The following CDH13 variants were observed in gnomAD, a reference collection of about 807,000 sequenced individuals.
The protein encoded by CDH13 is cadherin-13.
Under a neutral mutation model 63.8 loss-of-function variants are expected in CDH13, and 24 were observed. The ratio of observed to expected loss-of-function variants is 0.38; its 90% CI spans 0.27 to 0.53. The LOEUF is 0.53. CDH13 is among the 20% of genes least tolerant of loss of function. The pLI, the probability that CDH13 is intolerant of heterozygous loss-of-function variation, is 0.85. For missense variants in CDH13, 1,049 were observed against 903.1 expected (o/e 1.16, Z -2.07); for synonymous variants, 503 against 355.3 (o/e 1.42, Z -4.67).
At chr16:83,072,804 C>A (rs991237039) in intron 3 of CDH13, among the ~76,000 whole-genome samples, 1 of 152,168 alleles carries the variant, frequency 6.6e-6, no homozygotes, top group African/African-American at 2.4e-5. Context: ...GACCTTACCC[C>A]AGATCTACTG....
At chr16:82,994,448 G>A (rs909778400) in intron 2 of CDH13, among the ~76,000 whole-genome samples, 1 of 152,096 alleles carries the variant, frequency 6.6e-6, no homozygotes, top group South Asian at 2.1e-4. Context: ...CTTGGCCTAG[G>A]GCTTCTATCA....
At chr16:83,200,055 G>A (rs979980371) in intron 4 of CDH13, among the ~76,000 whole-genome samples, 3 of 152,282 alleles carry the variant, frequency 2.0e-5, no homozygotes, top group Admixed American at 1.3e-4. Context: ...GAGATCCCTG[G>A]ACAGCGCCTC....
intron 2 of CDH13, among the ~76,000 whole-genome samples, chr16:82,872,785 A>G (rs2040388338): frequency 1.3e-5 from 2 of 152,208 alleles, no homozygotes; most frequent in Admixed American, 1.3e-4. Flanking sequence ...AAAGGAAAAG[A>G]TGTATATTGA....
intron 1 of CDH13, among the ~76,000 whole-genome samples, chr16:82,773,677 T>C (rs1030249239): frequency 6.6e-6 from 1 of 152,254 alleles, no homozygotes; most frequent in African/African-American, 2.4e-5. Flanking sequence ...GTTACCATTA[T>C]GAAGTAACTG....
intron 5 of CDH13, among the ~76,000 whole-genome samples, chr16:83,252,883 C>T (rs1193830945): frequency 6.6e-6 from 1 of 152,164 alleles, no homozygotes; most frequent in Non-Finnish European, 1.5e-5. Flanking sequence ...ACTCCTGAGT[C>T]AGAGCAACTT....
chr16:82,820,934 A>T (rs575537659), intron 1 of CDH13, among the ~76,000 whole-genome samples: 10 of 152,278 alleles, frequency 6.6e-5, no homozygotes, highest in Admixed American at 4.6e-4. Context: ...CTGGCCCGGT[A>T]AGTCTGTGGG....
intron 5 of CDH13, among the ~76,000 whole-genome samples, chr16:83,260,742 C>T (rs1370991742): frequency 6.6e-6 from 1 of 152,184 alleles, no homozygotes; most frequent in Non-Finnish European, 1.5e-5. Flanking sequence ...CTTTCTCCTT[C>T]AAGGGCATCT....
At chr16:83,078,618 T>C (rs1381032793) in intron 3 of CDH13, among the ~76,000 whole-genome samples, 1 of 152,006 alleles carries the variant, frequency 6.6e-6, no homozygotes, top group Admixed American at 6.5e-5. Flanking sequence ...GGCCGAGGAG[T>C]TGGGGACCCC....
At chr16:82,712,969 G>T (rs1181162691) in intron 1 of CDH13, among the ~76,000 whole-genome samples, 1 of 151,930 alleles carries the variant, frequency 6.6e-6, no homozygotes, top group Non-Finnish European at 1.5e-5. Context: ...TCTCTCTATT[G>T]ACCCTCAGGC....
rs554776573 is a variant in CDH13 at position 83,786,700 on chromosome 16, G to A, written c.2134+3228G>A. 2.6e-4 allele frequency among the ~76,000 whole-genome samples: 40 copies of A among 152,100 alleles called. No individual in the cohort carries two copies. In the South Asian group the frequency reaches 8.3e-3, roughly 32 times the overall value. On this transcript the variant is annotated intron_variant, in intron 13 of 13. Transcript: ENST00000567109. ...TCTCCCGGGTTCAAGTGATTCTCCT[G>A]CCTCAGCCTCCCAGGTAGCTAGGAT...
chr16:83,521,200 G>C (rs2074826264), intron 7 of CDH13, among the ~76,000 whole-genome samples: 6 of 152,184 alleles, frequency 3.9e-5, no homozygotes, highest in Admixed American at 3.9e-4. Flanking sequence ...TGCCTTGCGT[G>C]TTAGCTCTCA....
chr16:83,097,071 G>A (rs1045893918), intron 3 of CDH13, among the ~76,000 whole-genome samples: 1 of 152,134 alleles, frequency 6.6e-6, no homozygotes, highest in Admixed American at 6.5e-5. Flanking sequence ...ACTTTTCTCT[G>A]TGTACTGTGG....
chr16:83,595,235 T>A (rs1485244808), intron 7 of CDH13, among the ~76,000 whole-genome samples: 2 of 152,238 alleles, frequency 1.3e-5, no homozygotes, highest in Admixed American at 6.5e-5. Flanking sequence ...AGTCATTCCC[T>A]GAGAATAAAT....
chr16:83,483,893 A>T (rs746381028), intron 6 of CDH13, among the ~76,000 whole-genome samples: 2 of 152,220 alleles, frequency 1.3e-5, no homozygotes, highest in Admixed American at 1.3e-4. Flanking sequence ...GTAGCATGTC[A>T]ATGGGAGACA....
chr16:83,206,416 G>C (rs1287759214), intron 4 of CDH13, among the ~76,000 whole-genome samples: 2 of 152,112 alleles, frequency 1.3e-5, no homozygotes, highest in African/African-American at 4.8e-5. Context: ...ACCTCCTCCA[G>C]TGTCACCCAT....
intron 5 of CDH13, among the ~76,000 whole-genome samples, chr16:83,286,239 A>T (rs745879614): frequency 2.6e-5 from 4 of 152,184 alleles, no homozygotes; most frequent in Non-Finnish European, 4.4e-5. Context: ...AGCCCCAGGC[A>T]GACCTCTCTG....
intron 3 of CDH13, among the ~76,000 whole-genome samples, chr16:83,079,280 G>A (rs1294575222): frequency 3.3e-5 from 5 of 152,094 alleles, no homozygotes; most frequent in Non-Finnish European, 5.9e-5. Context: ...TTGTATGAAC[G>A]AACACACCTT....
At chr16:83,247,281 C>T (rs1010027634) in intron 5 of CDH13, among the ~76,000 whole-genome samples, 42 of 152,290 alleles carry the variant, frequency 2.8e-4, no homozygotes, top group African/African-American at 9.6e-4. Context: ...ACATGTTCTG[C>T]ACCAGACATA....
intron 7 of CDH13, among the ~76,000 whole-genome samples, chr16:83,597,440 TG>T (rs1173719493): frequency 6.6e-6 from 1 of 152,194 alleles, no homozygotes; most frequent in Non-Finnish European, 1.5e-5. Flanking sequence ...TGTATATAAA[TG>T]TGTATATTAA....
Sources: allele counts gnomAD v4.1 joint callset (sites outside exome capture counted in the v4.1 genomes callset), GRCh38; gene constraint gnomAD v4.1.1; transcripts MANE v1.5; gene names NCBI Gene and HGNC (gene_info 2026-07-23, HGNC 2026-07-21).